The following MET variants were observed in gnomAD, a reference collection of about 807,000 sequenced individuals.
MET encodes the protein hepatocyte growth factor receptor.
In MET, 48 loss-of-function variants were observed where a neutral mutation model predicts 133.1. The observed-to-expected ratio is 0.36, with a 90% CI of 0.29 to 0.46. MET has a LOEUF of 0.46. Among genes scored for constraint, MET ranks in the 20% least tolerant of loss-of-function variants. The probability of loss-of-function intolerance (pLI) is 1.00; values close to 1 mark genes in which losing one functional copy is unlikely to be tolerated. For missense variants in MET, 1,442 were observed against 1,695.9 expected, an observed-to-expected ratio of 0.85 and a Z score of 2.63; for synonymous variants, 628 against 616.5, an observed-to-expected ratio of 1.02 and a Z score of -0.28.
chr7:116,769,981 G>A lies in MET; in HGVS notation c.2730+190G>A, dbSNP rs377462977. 2,668 of 790,662 alleles carry A rather than the reference G, an allele frequency of 3.4e-3. 51 individuals are homozygous for A. Among genetic ancestry groups the A allele is most frequent in the South Asian group, 0.032 (1,907 of 60,144 alleles). The allele number at this position is 790,662 out of a possible 1,614,324, so 49.0% of individuals were successfully genotyped here. A position where few individuals can be genotyped will look rare whatever the true frequency, so the allele number is the denominator to read the frequency against. ...ACATTGTCTCCTTCCCCAAGCCTGG[G>A]AGGTAGATCTCAAAAGTTCTTTCTA... On this transcript the variant is annotated intron_variant, in intron 12 of 20. Coordinates refer to ENST00000397752, the MANE Select transcript of MET (RefSeq NM_000245.4).
intron 1 of MET, among the ~76,000 whole-genome samples, chr7:116,678,432 GTT>G (rs3840635): frequency 6.6e-6 from 1 of 151,512 alleles, no homozygotes; most frequent in Non-Finnish European, 1.5e-5. Flanking sequence ...GAAAATGTAT[GTT>G]TTTTTTTAAA....
chr7:116,740,736 A>G (rs1162869994), intron 4 of MET, 116 bp from the exon 5 acceptor site: 1 of 1,290,936 alleles, frequency 7.7e-7, no homozygotes, highest in Non-Finnish European at 1.1e-6. Context: ...CATAGTTGCT[A>G]AGTCTAGAAA....
At chr7:116,746,877 T>C (rs1793711508) in intron 5 of MET, among the ~76,000 whole-genome samples, 1 of 152,078 alleles carries the variant, frequency 6.6e-6, no homozygotes, top group South Asian at 2.1e-4. Context: ...TGTATACATA[T>C]GTAACAAACC....
At chr7:116,776,726 C>T (rs1257622227) in intron 15 of MET, among the ~76,000 whole-genome samples, 1 of 152,128 alleles carries the variant, frequency 6.6e-6, no homozygotes, top group Non-Finnish European at 1.5e-5. Context: ...CATTTGGCAC[C>T]TCTGGGGGAA....
chr7:116,779,992 C>T (rs1004708799), intron 17 of MET, among the ~76,000 whole-genome samples: 1 of 152,176 alleles, frequency 6.6e-6, no homozygotes, highest in Non-Finnish European at 1.5e-5. Flanking sequence ...ACACCCTCAT[C>T]CCATTAGAAT....
At chr7:116,779,713 A>AC (rs1795098145) in intron 17 of MET, among the ~76,000 whole-genome samples, 1 of 152,140 alleles carries the variant, frequency 6.6e-6, no homozygotes. Context: ...GATTCTGAAT[A>AC]CTTAGTATTA....
At chr7:116,745,481 A>G (rs1403657655) in intron 5 of MET, among the ~76,000 whole-genome samples, 2 of 152,218 alleles carry the variant, frequency 1.3e-5, no homozygotes, top group Admixed American at 1.3e-4. Context: ...AGTCAATACT[A>G]AGCCAAAAGA....
chr7:116,724,667 C>G, intron 2 of MET: 1 of 472,040 alleles, frequency 2.1e-6, no homozygotes, highest in Non-Finnish European at 4.1e-6. Context: ...GTTTTTTTTA[C>G]TCCTTGGAAT....
intron 19 of MET, 41 bp downstream of exon 19, chr7:116,783,510 T>C (rs2117068126): frequency 6.2e-7 from 1 of 1,610,560 alleles, no homozygotes; most frequent in Admixed American, 1.7e-5. Context: ...TCTTTTACTT[T>C]CATATCCAAC....
chr7:116,674,940 T>C (rs1004260803), intron 1 of MET, among the ~76,000 whole-genome samples: 1 of 152,242 alleles, frequency 6.6e-6, no homozygotes, highest in Non-Finnish European at 1.5e-5. Flanking sequence ...AATTTCCTCA[T>C]TGTGCCCTCT....
intron 5 of MET, among the ~76,000 whole-genome samples, chr7:116,746,463 G>A (rs1474882221): frequency 6.6e-6 from 1 of 152,182 alleles, no homozygotes. Context: ...GCATGCTGCT[G>A]TAAAGACACA....
In MET at chr7:116,797,708, G is replaced by A. The variant is rs1795718765; in HGVS notation, c.*1584G>A. On this transcript the variant is annotated 3_prime_UTR_variant, in exon 21 of 21. Coordinates refer to ENST00000397752, the MANE Select transcript of MET (RefSeq NM_000245.4). ...ACTGCACTGTGAACATTTTAGAAAA[G>A]GTATGTCAGACTGGGATTAATGACA... The A allele has an allele frequency of 1.3e-5, 3 of 227,140 alleles. No homozygotes were observed. The highest frequency in any genetic ancestry group is 1.8e-5 in the Non-Finnish European group (2 of 114,158). The allele number at this position is 227,140 out of a possible 1,614,324, so 14.1% of individuals were successfully genotyped here.
chr7:116,784,645 C>A lies in MET; in HGVS notation c.3798+1176C>A, dbSNP rs73471134. ...AAGAAATCTGCCCCCATGATCCAATCACCTCCAACCACGCCCCTCCCTCAG... is the reference window on the plus strand; with the variant it reads ...AAGAAATCTGCCCCCATGATCCAATAACCTCCAACCACGCCCCTCCCTCAG... On this transcript the variant is annotated intron_variant, in intron 19 of 20. Coordinates refer to ENST00000397752, the MANE Select transcript of MET (RefSeq NM_000245.4). 4.1e-3 allele frequency among the ~76,000 whole-genome samples: 620 copies of A among 152,292 alleles called. 6 individuals carry two copies. The highest frequency in any genetic ancestry group is 0.014 in the African/African-American group (594 of 41,554).
rs1562922022 is a variant in MET, at chr7:116,757,650, A to T, written c.1978A>T (p.Thr660Ser). The stretch of plus-strand genomic sequence containing the variant: ...ATCTCCCCTCCAGGATCCTGTAATA[A>T]CAAGTATTTCGCCGAAATACGGTCC... ...STFSYVDPVI[T>S]SISPKYGPMA... Residue 660 changes from threonine (T) to serine (S), a missense_variant, in exon 8 of 21, where the codon ACA becomes TCA. By Grantham distance (58) the Thr-to-Ser change is moderately conservative (BLOSUM62 1). Around this residue, in one of 6 missense-constraint regions of MET, gnomAD observed 514 missense variants for 659.6 expected, o/e 0.78. Coordinates refer to ENST00000397752, the MANE Select transcript of MET (RefSeq NM_000245.4). The T allele has an allele frequency of 1.9e-6, 3 of 1,613,896 alleles. No homozygotes were observed.
chr7:116,760,193 G>T (rs997767223), intron 10 of MET, among the ~76,000 whole-genome samples: 7 of 152,262 alleles, frequency 4.6e-5, no homozygotes, highest in Middle Eastern at 3.4e-3. Flanking sequence ...CTTGGAAAAG[G>T]TTGCTGATCT....
intron 11 of MET, among the ~76,000 whole-genome samples, chr7:116,765,150 A>G (rs1273457063): frequency 6.6e-6 from 1 of 151,972 alleles, no homozygotes; most frequent in Admixed American, 6.6e-5. Flanking sequence ...AAATACAAAA[A>G]TTAGCTGGGC....
intron 19 of MET, among the ~76,000 whole-genome samples, 199 bp from the exon 20 acceptor site, chr7:116,795,456 A>G (rs537470565): frequency 7.2e-5 from 11 of 152,376 alleles, no homozygotes; most frequent in African/African-American, 2.6e-4. Flanking sequence ...CTTTACATTT[A>G]CTTATAATCT....
At chr7:116,697,339 A>G (rs1413004914) in intron 1 of MET, among the ~76,000 whole-genome samples, 1 of 152,062 alleles carries the variant, frequency 6.6e-6, no homozygotes, top group Non-Finnish European at 1.5e-5. Flanking sequence ...TCATTATGGG[A>G]TATAAAAATA....
Position 116,796,028 on chromosome 7 carries a change from A to C in MET, c.4077A>C (p.Val1359=). 1 of 1,614,006 alleles carries C rather than the reference A, an allele frequency of 6.2e-7. No homozygotes were observed. Among genetic ancestry groups the C allele is most frequent in the Non-Finnish European group, 8.5e-7 (1 of 1,179,896 alleles). The part of the protein sequence containing the change: ...YVHVNATYVN[V]KCVAPYPSLL... Reference sequence around the variant, plus strand: ...ATGTGAACGCTACTTATGTGAACGTAAAATGTGTCGCTCCGTATCCTTCTC... The same window carrying C: ...ATGTGAACGCTACTTATGTGAACGTCAAATGTGTCGCTCCGTATCCTTCTC... Residue 1359 remains valine (V), a synonymous_variant, in exon 21 of 21, where the codon GTA becomes GTC. Coordinates refer to ENST00000397752, the MANE Select transcript of MET (RefSeq NM_000245.4).
Sources: allele counts gnomAD v4.1 joint callset (sites outside exome capture counted in the v4.1 genomes callset), GRCh38; gene constraint gnomAD v4.1.1; regional missense constraint gnomAD v4.1.1; transcripts MANE v1.5; gene names NCBI Gene and HGNC (gene_info 2026-07-23, HGNC 2026-07-21).